RHBDD1: variants seen among roughly 807,000 people sequenced by gnomAD.
The protein encoded by RHBDD1 is rhomboid domain containing 1, also known as rhomboid-related protein 4.
In RHBDD1, 38 loss-of-function variants were observed where a neutral mutation model predicts 36.3. The observed-to-expected ratio is 1.05, with a 90% confidence interval of 0.81 to 1.37. RHBDD1 has a LOEUF of 1.37. Among genes scored for constraint, RHBDD1 ranks in the 40% most tolerant of loss-of-function variants. The probability of loss-of-function intolerance (pLI) is 0.00; values close to 1 mark genes in which losing one functional copy is unlikely to be tolerated. For missense variants in RHBDD1, 393 were observed against 377.6 expected (o/e 1.04, Z -0.34); for synonymous variants, 151 against 136.5 (o/e 1.11, Z -0.74).
chr2:226,829,810 T>C, the RHBDD1 span, among the ~76,000 whole-genome samples: 6 of 152,070 alleles, frequency 3.9e-5, no homozygotes, highest in Admixed American at 1.3e-4. Context: ...GTGAATAGAG[T>C]TTCACTTTTT....
the RHBDD1 span, among the ~76,000 whole-genome samples, chr2:226,823,651 C>A: frequency 6.6e-6 from 1 of 152,136 alleles, no homozygotes; most frequent in Non-Finnish European, 1.5e-5. Flanking sequence ...TAGATAGATA[C>A]ACCTATCTTA....
chr2:226,879,037 C>A (rs931188586), intron 5 of RHBDD1, among the ~76,000 whole-genome samples: 1 of 129,852 alleles, frequency 7.7e-6, no homozygotes, highest in Non-Finnish European at 1.6e-5. Context: ...ATTAAAAGGA[C>A]GTGAAATCAA....
chr2:226,960,029 T>G (rs1416317759), intron 8 of RHBDD1, among the ~76,000 whole-genome samples: 1 of 152,170 alleles, frequency 6.6e-6, no homozygotes, highest in Non-Finnish European at 1.5e-5. Context: ...TTTACCGTAT[T>G]AGCCAGAATG....
chr2:226,907,490 G>A (rs184852383), intron 6 of RHBDD1, among the ~76,000 whole-genome samples: 5 of 152,156 alleles, frequency 3.3e-5, no homozygotes, highest in Admixed American at 6.5e-5. Flanking sequence ...TTTTCAATGC[G>A]ATTCTCATTT....
intron 8 of RHBDD1, among the ~76,000 whole-genome samples, chr2:226,925,741 C>T (rs749574003): frequency 2.0e-5 from 3 of 152,154 alleles, no homozygotes; most frequent in Non-Finnish European, 4.4e-5. Flanking sequence ...AAACTAGTTT[C>T]GTGTGCTGTT....
At position 226,864,821 on chromosome 2, in the gene RHBDD1, T is replaced by C. The variant is rs200723244; in HGVS notation, c.128T>C (p.Leu43Ser). Residue 43 changes from leucine to serine, a missense_variant, in exon 4 of 9, where the codon TTG becomes TCG. Leu to Ser is a moderately radical substitution (Grantham distance 145). Coordinates refer to ENST00000392062, the MANE Select transcript of RHBDD1 (RefSeq NM_001167608.3). ...ATLALNIWFF[L>S]NPQKPLYSSC... ...TTGGCCCTCAACATCTGGTTCTTCTTGAACCCTCAGAAGCCACTGTATAGC... is the reference window on the plus strand; with the variant it reads ...TTGGCCCTCAACATCTGGTTCTTCTCGAACCCTCAGAAGCCACTGTATAGC... 5.6e-6 allele frequency: 9 copies of C among 1,614,228 alleles called. No homozygotes were observed. In the East Asian group the frequency reaches 2.0e-4, roughly 36 times the overall value.
chr2:226,803,641 G>A, the RHBDD1 span, among the ~76,000 whole-genome samples: 45 of 152,042 alleles, frequency 3.0e-4, no homozygotes, highest in African/African-American at 1.0e-3. Flanking sequence ...ATAGGCACAG[G>A]GCAAATGAGA....
the RHBDD1 span, among the ~76,000 whole-genome samples, chr2:226,803,706 A>C: frequency 1.3e-5 from 2 of 152,252 alleles, no homozygotes; most frequent in Non-Finnish European, 2.9e-5. Flanking sequence ...CAGACAGTGC[A>C]ATTTGGGAAT....
upstream of RHBDD1, among the ~76,000 whole-genome samples, chr2:226,831,956 G>GT (rs777176565): frequency 6.7e-4 from 85 of 127,132 alleles, no homozygotes; most frequent in Non-Finnish European, 1.2e-3. Context: ...TAATTTTACT[G>GT]GTTTTTTTTT....
chr2:226,947,255 A>C (rs1457548654), intron 8 of RHBDD1, among the ~76,000 whole-genome samples: 1 of 151,420 alleles, frequency 6.6e-6, no homozygotes, highest in Non-Finnish European at 1.5e-5. Context: ...TTAAATCTTT[A>C]ATCCATCTTG....
chr2:226,920,672 G>A (rs1341440884), intron 8 of RHBDD1, among the ~76,000 whole-genome samples: 1 of 152,056 alleles, frequency 6.6e-6, no homozygotes, highest in Admixed American at 6.6e-5. Context: ...TTGATATAGT[G>A]TACCACATTG....
At chr2:226,802,724 T>C in the RHBDD1 span, among the ~76,000 whole-genome samples, 1 of 152,218 alleles carries the variant, frequency 6.6e-6, no homozygotes, top group Non-Finnish European at 1.5e-5. Context: ...TAGAGCCGAT[T>C]TGTGTAATAT....
intron 8 of RHBDD1, among the ~76,000 whole-genome samples, chr2:226,943,385 A>G (rs1207265119): frequency 2.0e-5 from 3 of 152,230 alleles, no homozygotes; most frequent in Non-Finnish European, 4.4e-5. Flanking sequence ...AAATCATGAT[A>G]TGAGGTGACT....
intron 8 of RHBDD1, among the ~76,000 whole-genome samples, chr2:226,973,199 G>T (rs1031308432): frequency 1.3e-5 from 2 of 152,186 alleles, no homozygotes; most frequent in African/African-American, 2.4e-5. Context: ...GTCCTTAAAT[G>T]ATCTTCTTCC....
chr2:226,822,865 A>G, the RHBDD1 span, among the ~76,000 whole-genome samples: 2 of 151,748 alleles, frequency 1.3e-5, no homozygotes, highest in Non-Finnish European at 2.9e-5. Context: ...GAGGCTTACA[A>G]CTATAATTCC....
At chr2:226,962,357 C>G (rs1952272010) in intron 8 of RHBDD1, among the ~76,000 whole-genome samples, 2 of 152,320 alleles carry the variant, frequency 1.3e-5, no homozygotes, top group South Asian at 4.1e-4. Context: ...ATTTACAAGT[C>G]TCATATTTTA....
intron 3 of RHBDD1, among the ~76,000 whole-genome samples, chr2:226,851,564 T>C (rs1942814957): frequency 6.6e-6 from 1 of 152,060 alleles, no homozygotes; most frequent in Non-Finnish European, 1.5e-5. Flanking sequence ...TTTTATCATC[T>C]TTGCTTTTTT....
intron 4 of RHBDD1, among the ~76,000 whole-genome samples, 174 bp from the exon 5 acceptor site, chr2:226,867,012 C>G (rs1463779267): frequency 2.0e-5 from 3 of 152,142 alleles, no homozygotes; most frequent in Non-Finnish European, 4.4e-5. Flanking sequence ...GGAGTGACTG[C>G]CTTTAACGTT....
chr2:226,819,977 G>GT, the RHBDD1 span, among the ~76,000 whole-genome samples: 8,628 of 117,954 alleles, frequency 0.073, 390 homozygotes, highest in South Asian at 0.13. Context: ...TATTGTGTGT[G>GT]TTTTTTTTTT....
Sources: allele counts gnomAD v4.1 joint callset (sites outside exome capture counted in the v4.1 genomes callset), GRCh38; gene constraint gnomAD v4.1.1; transcripts MANE v1.5; gene names NCBI Gene and HGNC (gene_info 2026-07-23, HGNC 2026-07-21).